STEEP1: variants seen among roughly 807,000 people sequenced by gnomAD.
STEEP1 encodes STING ER exit protein.
Under a neutral mutation model 19.2 loss-of-function variants are expected in STEEP1, and 3 were observed. The observed-to-expected ratio is 0.16, with a 90% CI of 0.07 to 0.40. The LOEUF is 0.40. STEEP1 is among the 10% of genes least tolerant of loss of function. The pLI is 0.99. For synonymous variants in STEEP1, 46 were observed against 63.7 expected (o/e 0.72, Z 1.32); for missense variants, 54 against 177.1 (o/e 0.30, Z 3.94).
chrX:119,553,841 A>G (rs187825073), intron 2 of STEEP1, among the ~76,000 whole-genome samples: 2 of 112,162 alleles, frequency 1.8e-5, no homozygotes, highest in African/African-American at 6.5e-5. Context: ...TTAATCTTCA[A>G]GTACCAATGA....
chrX:119,557,443 C>T (rs1203601902), intron 2 of STEEP1, among the ~76,000 whole-genome samples: 1 of 65,086 alleles, frequency 1.5e-5, no homozygotes, highest in Non-Finnish European at 2.7e-5. Flanking sequence ...ACTAAAAACA[C>T]AAAAACTAGC....
intron 1 of STEEP1, among the ~76,000 whole-genome samples, chrX:119,562,301 G>C (rs1330493391): frequency 9.0e-6 from 1 of 111,463 alleles, no homozygotes; most frequent in Admixed American, 9.6e-5. Context: ...GGAGGCCGAG[G>C]CTGGCGGATC....
chrX:119,542,412 T>A (rs1294710461), intron 5 of STEEP1, 93 bp downstream of exon 5: 1 of 615,567 alleles, frequency 1.6e-6, no homozygotes, highest in Non-Finnish European at 2.7e-6. Context: ...AAGTCTCTAA[T>A]ATTTCCACTA....
chrX:119,555,596 A>G (rs2053273305), intron 2 of STEEP1, among the ~76,000 whole-genome samples: 1 of 111,354 alleles, frequency 9.0e-6, no homozygotes, highest in South Asian at 3.7e-4. Context: ...TGTATTTCAG[A>G]TAATTCAAGC....
chrX:119,554,403 C>A (rs1297887314), intron 2 of STEEP1, among the ~76,000 whole-genome samples: 1 of 111,500 alleles, frequency 9.0e-6, no homozygotes, highest in Non-Finnish European at 1.9e-5. Flanking sequence ...CAAGATTGCG[C>A]CACTGCACTC....
rs978241229 is a variant in STEEP1, at chrX:119,539,444, C to T, written c.*283G>A. Reference sequence around the variant, plus strand: ...TACTCAGGAGGCTGAGGCAGGAGAACTGCTTGAACCCGGGAGGCGGAGGTT... The same window carrying T: ...TACTCAGGAGGCTGAGGCAGGAGAATTGCTTGAACCCGGGAGGCGGAGGTT... On this transcript the variant is annotated 3_prime_UTR_variant, in exon 7 of 7. Coordinates refer to ENST00000644802, the MANE Select transcript of STEEP1 (RefSeq NM_022101.4). 7.4e-5 allele frequency: 14 copies of T among 188,152 alleles called. No individual in the cohort carries two copies. Among genetic ancestry groups the T allele is most frequent in the African/African-American group, 4.3e-4 (14 of 32,556 alleles). 15.5% of individuals were successfully genotyped at this position (188,152 alleles called of 1,213,427 possible).
chrX:119,541,221 A>AGG, intron 6 of STEEP1, 107 bp downstream of exon 6: 1 of 537,643 alleles, frequency 1.9e-6, no homozygotes, highest in Non-Finnish European at 3.2e-6. Flanking sequence ...CTACTCTAAA[A>AGG]CCTCCCAACA....
intron 3 of STEEP1, 68 bp downstream of exon 3, chrX:119,545,395 A>ATTATT (rs2053195873): frequency 1.4e-6 from 1 of 710,617 alleles, no homozygotes. Context: ...TATCCAAATA[A>ATTATT]TTATTTTCCT....
chrX:119,544,679 G>A (rs1356842734), intron 3 of STEEP1, among the ~76,000 whole-genome samples, 188 bp from the exon 4 acceptor site: 3 of 112,227 alleles, frequency 2.7e-5, no homozygotes, highest in Non-Finnish European at 3.8e-5. Context: ...GGTGGCTCAC[G>A]CCTGTAATCT....
At chrX:119,561,233 C>G (rs947902255) in intron 1 of STEEP1, among the ~76,000 whole-genome samples, 1 of 108,377 alleles carries the variant, frequency 9.2e-6, no homozygotes, top group African/African-American at 3.4e-5. Context: ...AGCGAGACTC[C>G]GTCAAAAAAC....
At position 119,542,404 on chromosome X, in the gene STEEP1, GT is replaced by G; in HGVS notation, c.513+100del. On this transcript the variant is annotated intron_variant, in intron 5 of 6. Transcript: ENST00000644802. ...CAGCAGAGCAGGGTCTAAAAGTGAA[GT>G]CTCTAATATTTCCACTACTCCAAGG... The G allele has an allele frequency of 6.9e-6, 4 of 576,724 alleles. No individual in the cohort carries two copies. The South Asian group carries it at 1.1e-4, about 16-fold the overall frequency. The allele number at this position is 576,724 out of a possible 1,213,427, so 47.5% of individuals were successfully genotyped here.
chrX:119,540,139 C>T (rs889023724), intron 6 of STEEP1, among the ~76,000 whole-genome samples: 3 of 111,728 alleles, frequency 2.7e-5, no homozygotes, highest in African/African-American at 6.5e-5. Context: ...CATCATTCTA[C>T]AACAGTGCTA....
chrX:119,539,552 A>C lies in STEEP1; in HGVS notation c.*175T>G, dbSNP rs1265270417. On this transcript the variant is annotated 3_prime_UTR_variant, in exon 7 of 7. Transcript: ENST00000644802. ...TCTCAAAAAAAAAAAAAAAAAAAAG[A>C]AAGCAAGTTAAATGGACTCAGTTAA... The C allele has an allele frequency of 2.5e-5, 9 of 364,935 alleles. No individual in the cohort carries two copies. The highest frequency in any genetic ancestry group is 4.7e-5 in the Admixed American group (1 of 21,096). The allele number at this position is 364,935 out of a possible 1,213,427, so 30.1% of individuals were successfully genotyped here.
intron 1 of STEEP1, among the ~76,000 whole-genome samples, chrX:119,561,808 C>A (rs2053322691): frequency 8.9e-6 from 1 of 112,037 alleles, no homozygotes. Context: ...GAACACTAGG[C>A]AGTTTACATG....
intron 2 of STEEP1, among the ~76,000 whole-genome samples, chrX:119,557,496 GAAAAAAGA>G (rs2053289839): frequency 7.2e-5 from 2 of 27,615 alleles, no homozygotes; most frequent in Non-Finnish European, 1.8e-4. Context: ...AAAAAAAAAA[GAAAAAAGA>G]AAAAAGAAAA....
intron 2 of STEEP1, among the ~76,000 whole-genome samples, chrX:119,558,330 C>T (rs969634539): frequency 4.4e-4 from 49 of 110,407 alleles, no homozygotes; most frequent in Non-Finnish European, 7.8e-4. Context: ...GTCAGGAGAT[C>T]GAGGCCATCC....
chrX:119,563,282 C>T (rs1439156756), intron 1 of STEEP1, among the ~76,000 whole-genome samples: 1 of 102,870 alleles, frequency 9.7e-6, no homozygotes, highest in Non-Finnish European at 2.0e-5. Context: ...GCCGTGGTGG[C>T]TCATGCCTGT....
intron 2 of STEEP1, among the ~76,000 whole-genome samples, chrX:119,558,101 G>T (rs916475737): frequency 4.5e-4 from 50 of 110,188 alleles, no homozygotes; most frequent in African/African-American, 1.6e-3. Context: ...TAGAGATGGG[G>T]TTTCACTACG....
At chrX:119,541,517 C>A (rs369846593) in intron 5 of STEEP1, 97 bp from the exon 6 acceptor site, 1 of 520,634 alleles carries the variant, frequency 1.9e-6, no homozygotes, top group East Asian at 3.5e-5. Flanking sequence ...ATCATGAAAT[C>A]ATGACTAAAA....
Sources: allele counts gnomAD v4.1 joint callset (sites outside exome capture counted in the v4.1 genomes callset), GRCh38; gene constraint gnomAD v4.1.1; transcripts MANE v1.5; gene names NCBI Gene and HGNC (gene_info 2026-07-23, HGNC 2026-07-21).